CNTN6: variants seen among roughly 807,000 people sequenced by gnomAD.
The protein encoded by CNTN6 is contactin-6.
CNTN6 carries 137 observed loss-of-function variants against 122.8 expected under a neutral mutation model. That is an observed-to-expected ratio of 1.12 (90% confidence interval 0.97 to 1.29). The LOEUF (loss-of-function observed/expected upper bound fraction) is 1.29. CNTN6 is among the 50% of genes most tolerant of loss of function. CNTN6 has a pLI of 0.00. For missense variants in CNTN6, 1,634 were observed against 1,223.4 expected, an observed-to-expected ratio of 1.34 and a Z score of -5.01; for synonymous variants, 570 against 426.0, an observed-to-expected ratio of 1.34 and a Z score of -4.16.
At position 1,301,001 on chromosome 3, in the gene CNTN6, T is replaced by A. The variant is rs1697287506; in HGVS notation, c.761+3010T>A. Among the ~76,000 whole-genome samples the A allele has an allele frequency of 2.7e-5, 4 of 150,000 alleles. No individual in the cohort carries two copies. The South Asian group carries it at 8.4e-4, about 32-fold the overall frequency. ...TATTATTAAATTGCAAAAGGTAAAATTTATAATACAGGAGTCCCTAAACTT... is the reference window on the plus strand; with the variant it reads ...TATTATTAAATTGCAAAAGGTAAAAATTATAATACAGGAGTCCCTAAACTT... On this transcript the variant is annotated intron_variant, in intron 7 of 22. Coordinates refer to ENST00000446702, the MANE Select transcript of CNTN6 (RefSeq NM_001289080.2).
At chr3:1,112,237 G>C (rs184936980) in intron 1 of CNTN6, among the ~76,000 whole-genome samples, 2 of 152,272 alleles carry the variant, frequency 1.3e-5, no homozygotes, top group Admixed American at 1.3e-4. Flanking sequence ...GTGTTAGTCA[G>C]GGTCCTCCAG....
At chr3:1,180,522 CTAAA>C (rs1449224855) in intron 2 of CNTN6, among the ~76,000 whole-genome samples, 2 of 152,164 alleles carry the variant, frequency 1.3e-5, no homozygotes, top group Non-Finnish European at 1.5e-5. Context: ...TCCAGGTTTA[CTAAA>C]TATTTTATCT....
chr3:1,320,583 C>CATT (rs140665905), intron 7 of CNTN6, among the ~76,000 whole-genome samples: 1,684 of 151,728 alleles, frequency 0.011, 31 homozygotes, highest in African/African-American at 0.039. Flanking sequence ...GACTTACTAC[C>CATT]ATTATTATTA....
chr3:1,166,222 T>C (rs920270659), intron 2 of CNTN6, among the ~76,000 whole-genome samples: 10 of 152,256 alleles, frequency 6.6e-5, no homozygotes, highest in Admixed American at 3.3e-4. Flanking sequence ...GTGGGAGTGG[T>C]GAATGTGGAG....
At position 1,297,896 on chromosome 3, in the gene CNTN6, G is replaced by A. The variant is rs1017417415; in HGVS notation, c.666G>A (p.Met222Ile). The change falls in exon 7 of 23, where the codon ATG (methionine) becomes ATA (isoleucine). Residue 222 changes from methionine (M) to isoleucine (I), a missense_variant. Coordinates refer to ENST00000446702, the MANE Select transcript of CNTN6 (RefSeq NM_001289080.2). ...TCTTTTGATATTTAACAGGTGTGAT[G>A]GGGGAATATGAACCAAAGATTGAAG... is the stretch of plus-strand genomic sequence containing the variant. ...TPLVQRTDGVMGEYEPKIEVR... is the reference protein window; with the variant it reads ...TPLVQRTDGVIGEYEPKIEVR... 1.2e-6 allele frequency: 2 copies of A among 1,610,288 alleles called. No individual in the cohort carries two copies. The highest frequency in any genetic ancestry group is 1.7e-5 in the Admixed American group (1 of 59,734).
chr3:1,392,276 G>A (rs1337837328), intron 20 of CNTN6, among the ~76,000 whole-genome samples: 2 of 152,130 alleles, frequency 1.3e-5, no homozygotes, highest in Admixed American at 1.3e-4. Flanking sequence ...TCTGATCTTT[G>A]ACAAACCTGA....
In CNTN6 at chr3:1,119,322, C is replaced by CGTGTGTGTGTATGTGTGT. The variant is rs1553600488; in HGVS notation, c.-83+26212_-83+26213insATGTGTGTGTGTGTGTGT. 2.0e-4 allele frequency among the ~76,000 whole-genome samples: 25 copies of CGTGTGTGTGTATGTGTGT among 126,550 alleles called. No individual in the cohort carries two copies. In the East Asian group the frequency reaches 3.8e-3, roughly 19 times the overall value. The allele number at this position is 126,550 out of a possible 152,430, so 83.0% of individuals were successfully genotyped here. A position where few individuals can be genotyped will look rare whatever the true frequency, so the allele number is the denominator to read the frequency against. On this transcript the variant is annotated intron_variant, in intron 1 of 22. Coordinates refer to ENST00000446702, the MANE Select transcript of CNTN6 (RefSeq NM_001289080.2). ...ATTTGAGAAAGAATAACAGAAAAAT[C>CGTGTGTGTGTATGTGTGT]GTGTGTGTGTGTGTGTGTGTGTGTG... is the stretch of plus-strand genomic sequence containing the variant.
intron 2 of CNTN6, among the ~76,000 whole-genome samples, chr3:1,202,172 A>T (rs1054982933): frequency 6.6e-6 from 1 of 152,236 alleles, no homozygotes; most frequent in African/African-American, 2.4e-5. Flanking sequence ...ACATAGAAAC[A>T]TGTTGATAAA....
intron 4 of CNTN6, among the ~76,000 whole-genome samples, chr3:1,251,814 A>T (rs1025373063): frequency 7.9e-5 from 12 of 152,120 alleles, no homozygotes; most frequent in Admixed American, 7.2e-4. Context: ...CACATACCTC[A>T]AACAACATTT....
rs139746760 is a variant in CNTN6, at chr3:1,109,768, C to A, written c.-83+16648C>A. ...TGAACAGAAAAGGAAGAGACACATA[C>A]TTCTATTTATATACACACTCATATT... On this transcript the variant is annotated intron_variant, in intron 1 of 22. Coordinates refer to ENST00000446702, the MANE Select transcript of CNTN6 (RefSeq NM_001289080.2). 1.6e-4 allele frequency among the ~76,000 whole-genome samples: 24 copies of A among 152,122 alleles called. No homozygotes were observed. The East Asian group carries it at 3.9e-3, about 24-fold the overall frequency.
intron 1 of CNTN6, among the ~76,000 whole-genome samples, chr3:1,096,003 G>A (rs2090504745): frequency 6.6e-6 from 1 of 152,172 alleles, no homozygotes; most frequent in African/African-American, 2.4e-5. Flanking sequence ...CAAAGAAATA[G>A]TCATAGGTGC....
In CNTN6 at chr3:1,142,968, G is replaced by GTATATATA. The variant is rs3043051; in HGVS notation, c.-82-4931_-82-4924dup. On this transcript the variant is annotated intron_variant, in intron 1 of 22. Transcript: ENST00000446702. ...TACATATAAATTTGTGTGTGTGTGT[G>GTATATATA]TATATATATATATATATATATATAT... Among the ~76,000 whole-genome samples, 826 of 128,420 alleles carry GTATATATA rather than the reference G, an allele frequency of 6.4e-3. 5 individuals are homozygous for GTATATATA. Among genetic ancestry groups the GTATATATA allele is most frequent in the Non-Finnish European group, 8.6e-3 (535 of 62,350 alleles). 84.2% of individuals were successfully genotyped at this position (128,420 alleles called of 152,430 possible). A position where few individuals can be genotyped will look rare whatever the true frequency, so the allele number is the denominator to read the frequency against.
chr3:1,369,515 G>A (rs912074764), intron 12 of CNTN6, among the ~76,000 whole-genome samples: 3 of 151,538 alleles, frequency 2.0e-5, no homozygotes, highest in African/African-American at 4.9e-5. Flanking sequence ...ACCATTATAA[G>A]TGATGAAATA....
chr3:1,307,076 G>A (rs887277763), intron 7 of CNTN6, among the ~76,000 whole-genome samples: 1 of 152,164 alleles, frequency 6.6e-6, no homozygotes, highest in Admixed American at 6.5e-5. Flanking sequence ...GGCCCTGGGA[G>A]ATAAAGAAGA....
intron 4 of CNTN6, among the ~76,000 whole-genome samples, chr3:1,241,570 G>T (rs2094485221): frequency 6.6e-6 from 1 of 152,146 alleles, no homozygotes; most frequent in African/African-American, 2.4e-5. Context: ...GGTATTAAAG[G>T]ACTAAGAATT....
intron 4 of CNTN6, among the ~76,000 whole-genome samples, chr3:1,273,070 C>T (rs1340103282): frequency 6.6e-6 from 1 of 152,090 alleles, no homozygotes; most frequent in Non-Finnish European, 1.5e-5. Context: ...TGCATTTTTG[C>T]TTATACTCCT....
chr3:1,354,322 C>T (rs1378133923), intron 12 of CNTN6, among the ~76,000 whole-genome samples: 1 of 149,776 alleles, frequency 6.7e-6, no homozygotes, highest in Non-Finnish European at 1.5e-5. Flanking sequence ...AGCTACTCTG[C>T]TCTTTCCATA....
At chr3:1,310,844 A>T (rs140757349) in intron 7 of CNTN6, among the ~76,000 whole-genome samples, 2,344 of 152,238 alleles carry the variant, frequency 0.015, 67 homozygotes, top group African/African-American at 0.052. Context: ...TCTACTAAAA[A>T]TACAAAATCA....
intron 20 of CNTN6, among the ~76,000 whole-genome samples, chr3:1,392,032 C>T (rs1457234517): frequency 6.6e-6 from 1 of 152,168 alleles, no homozygotes; most frequent in African/African-American, 2.4e-5. Flanking sequence ...CAATGACTTT[C>T]TTCACAGAAT....
Sources: gnomAD v4.1 joint callset for allele counts (sites outside exome capture counted in the v4.1 genomes callset) on GRCh38, gnomAD v4.1.1 for gene constraint, MANE v1.5 for transcripts, NCBI Gene and HGNC (gene_info 2026-07-23, HGNC 2026-07-21) for gene names.